The following LAMA1 variants were observed in gnomAD, a reference collection of about 807,000 sequenced individuals.
LAMA1 encodes laminin subunit alpha 1, also known as laminin subunit alpha-1.
A neutral mutation model predicts 348.7 loss-of-function variants in LAMA1; 219 were observed. The observed-to-expected ratio is 0.63, with a 90% CI of 0.56 to 0.70. LAMA1 has a LOEUF of 0.70. Ranked by LOEUF, LAMA1 falls within the 30% of genes least tolerant of loss-of-function variation. The pLI, the probability that LAMA1 is intolerant of heterozygous loss-of-function variation, is 0.00. For synonymous variants in LAMA1, 1,487 were observed against 1,491.0 expected (o/e 1.00, Z 0.06); for missense variants, 3,744 against 3,888.0 (o/e 0.96, Z 0.99).
intron 3 of LAMA1, among the ~76,000 whole-genome samples, chr18:7,064,988 C>A (rs1190258814): frequency 6.6e-6 from 1 of 152,088 alleles, no homozygotes; most frequent in Non-Finnish European, 1.5e-5. Flanking sequence ...GTAATCCCAG[C>A]ACTTTGGGAG....
Position 7,107,938 on chromosome 18 carries a change from T to C in LAMA1, c.61+9722A>G, listed in dbSNP as rs550060280. 2.6e-3 allele frequency among the ~76,000 whole-genome samples: 389 copies of C among 150,882 alleles called. 4 individuals carry two copies. The highest frequency in any genetic ancestry group is 9.0e-3 in the African/African-American group (369 of 41,030). On this transcript the variant is annotated intron_variant, in intron 1 of 62. Transcript: ENST00000389658. ...CTGAGGCAGGAGAATGGCGTGAATCTGGGAGGCAGAGCTTGCAGTGAGCCA... is the reference window on the plus strand; with the variant it reads ...CTGAGGCAGGAGAATGGCGTGAATCCGGGAGGCAGAGCTTGCAGTGAGCCA...
chr18:6,964,405 A>T (rs1397538085), intron 51 of LAMA1, among the ~76,000 whole-genome samples: 1 of 152,138 alleles, frequency 6.6e-6, no homozygotes, highest in Non-Finnish European at 1.5e-5. Flanking sequence ...AAAAAGGGGA[A>T]ATGTGGACAC....
At chr18:7,106,909 A>G (rs1397634794) in intron 1 of LAMA1, among the ~76,000 whole-genome samples, 1 of 151,992 alleles carries the variant, frequency 6.6e-6, no homozygotes, top group Admixed American at 6.6e-5. Flanking sequence ...ACAGTGGCAT[A>G]TGATGTAGAA....
At chr18:6,993,905 C>T (rs539113662) in intron 34 of LAMA1, among the ~76,000 whole-genome samples, 153 bp from the exon 35 acceptor site, 7 of 152,124 alleles carry the variant, frequency 4.6e-5, no homozygotes, top group Non-Finnish European at 7.4e-5. Flanking sequence ...TCATGCAAGC[C>T]GAGCTTAATA....
intron 19 of LAMA1, among the ~76,000 whole-genome samples, chr18:7,021,878 T>C (rs1423360178): frequency 1.4e-5 from 2 of 144,198 alleles, no homozygotes; most frequent in African/African-American, 5.1e-5. Flanking sequence ...TTAGAAAATA[T>C]AATAATAATT....
At position 7,034,503 on chromosome 18, in the gene LAMA1, T is replaced by TTG; in HGVS notation, c.2025_2026dup (p.Asn676ThrfsTer18). 6.2e-7 allele frequency: 1 copy of TTG among 1,614,140 alleles called. No individual in the cohort carries two copies. Among genetic ancestry groups the TTG allele is most frequent in the South Asian group, 1.1e-5 (1 of 91,078 alleles). ...CCTGTAAAGAGCCATTTTTGCAGAA[T>TTG]TGTAGTTGGCTCTGATCAAAAGATG... On this transcript the variant is annotated frameshift_variant, in exon 14 of 63. Coordinates refer to ENST00000389658, the MANE Select transcript of LAMA1 (RefSeq NM_005559.4). LOFTEE classifies it high-confidence loss of function.
chr18:6,995,875 T>C (rs971209860), intron 33 of LAMA1, among the ~76,000 whole-genome samples: 1 of 152,220 alleles, frequency 6.6e-6, no homozygotes. Context: ...GCTTAATTTA[T>C]GCCAACAGCC....
chr18:7,098,189 C>T, intron 1 of LAMA1, among the ~76,000 whole-genome samples: 1 of 151,916 alleles, frequency 6.6e-6, no homozygotes, highest in East Asian at 1.9e-4. Flanking sequence ...GGCGTGATCT[C>T]GGCTCGCTAC....
At chr18:7,110,183 C>A (rs902533120) in intron 1 of LAMA1, among the ~76,000 whole-genome samples, 7 of 145,434 alleles carry the variant, frequency 4.8e-5, no homozygotes, top group Admixed American at 1.3e-4. Flanking sequence ...TCCATCCCCC[C>A]ACCCGCTGCC....
chr18:6,964,591 G>T, intron 51 of LAMA1, 71 bp downstream of exon 51: 1 of 1,560,340 alleles, frequency 6.4e-7, no homozygotes, highest in Non-Finnish European at 8.8e-7. Context: ...TTGTGATACA[G>T]TCCATTCTCA....
intron 1 of LAMA1, among the ~76,000 whole-genome samples, chr18:7,113,147 G>A (rs2058342463): frequency 6.6e-6 from 1 of 152,164 alleles, no homozygotes; most frequent in African/African-American, 2.4e-5. Context: ...CATTGAGCAG[G>A]GAAAGCCCTG....
chr18:7,045,684 G>A (rs545406), intron 6 of LAMA1, among the ~76,000 whole-genome samples: 15 of 151,956 alleles, frequency 9.9e-5, no homozygotes, highest in African/African-American at 2.9e-4. Flanking sequence ...TCAACCTCTC[G>A]AGTAGCTGGG....
chr18:7,048,020 G>A (rs1258991151), intron 5 of LAMA1, among the ~76,000 whole-genome samples: 2 of 152,088 alleles, frequency 1.3e-5, no homozygotes, highest in East Asian at 1.9e-4. Context: ...AAGAAAAAAT[G>A]GTAAATTGGG....
intron 16 of LAMA1, among the ~76,000 whole-genome samples, chr18:7,031,192 A>T (rs536802091): frequency 5.9e-5 from 9 of 152,296 alleles, no homozygotes; most frequent in Admixed American, 1.3e-4. Flanking sequence ...AAAAAGCATG[A>T]ACATTTCCCT....
chr18:7,074,723 T>C (rs974915241), intron 3 of LAMA1, among the ~76,000 whole-genome samples: 1 of 152,154 alleles, frequency 6.6e-6, no homozygotes, highest in Non-Finnish European at 1.5e-5. Flanking sequence ...AAAAGTAAGA[T>C]ACTGCTAGAT....
At chr18:7,098,941 C>T (rs1387813754) in intron 1 of LAMA1, among the ~76,000 whole-genome samples, 1 of 152,186 alleles carries the variant, frequency 6.6e-6, no homozygotes, top group East Asian at 1.9e-4. Context: ...GCCCCTCTGC[C>T]CGGCCACCAC....
At chr18:6,952,036 T>G (rs1309366043) in intron 57 of LAMA1, among the ~76,000 whole-genome samples, 1 of 151,820 alleles carries the variant, frequency 6.6e-6, no homozygotes, top group Non-Finnish European at 1.5e-5. Flanking sequence ...AGATCTCGAG[T>G]GGCTGGTGGG....
At chr18:7,059,953 T>G (rs1159443802) in intron 3 of LAMA1, among the ~76,000 whole-genome samples, 2 of 152,218 alleles carry the variant, frequency 1.3e-5, no homozygotes, top group Non-Finnish European at 2.9e-5. Flanking sequence ...GAGAATGAAA[T>G]GTAAAATGAC....
chr18:6,984,298 C>A (rs1365885119), intron 39 of LAMA1, among the ~76,000 whole-genome samples: 3 of 152,204 alleles, frequency 2.0e-5, no homozygotes, highest in Non-Finnish European at 2.9e-5. Flanking sequence ...AGGAGACACG[C>A]ATCTTTCCCC....
Sources: gnomAD v4.1 joint callset for allele counts (sites outside exome capture counted in the v4.1 genomes callset) on GRCh38, gnomAD v4.1.1 for gene constraint, MANE v1.5 for transcripts, NCBI Gene and HGNC (gene_info 2026-07-23, HGNC 2026-07-21) for gene names.